Variants in CEACAM18 observed in about 807,000 individuals in gnomAD.
The protein encoded by CEACAM18 is CEA cell adhesion molecule 18.
In CEACAM18, 33 loss-of-function variants were observed where a neutral mutation model predicts 34.3. The observed-to-expected ratio is 0.96, with a 90% CI of 0.73 to 1.29. The LOEUF (loss-of-function observed/expected upper bound fraction) is 1.29, where lower values mean the gene tolerates loss of function less well. Ranked by LOEUF, CEACAM18 falls within the 50% of genes most tolerant of loss-of-function variation. The pLI is 0.00. For synonymous variants in CEACAM18, 169 were observed against 180.9 expected, an observed-to-expected ratio of 0.93 and a Z score of 0.53; for missense variants, 474 against 485.0, an observed-to-expected ratio of 0.98 and a Z score of 0.21.
exon 2 of CEACAM18, chr19:51,480,540 T>A (rs771335205): frequency 6.2e-6 from 10 of 1,613,974 alleles, no homozygotes; most frequent in Non-Finnish European, 1.7e-6. Flanking sequence ...CCTGGGCCCA[T>A]GTACACTGGC....
exon 6 of CEACAM18, chr19:51,490,673 G>T (rs752181555): frequency 1.3e-4 from 163 of 1,214,026 alleles, no homozygotes; most frequent in Admixed American, 1.3e-4. Flanking sequence ...ATGGAGAAGG[G>T]CTGGGGGTCC....
chr19:51,480,565 C>T, exon 2 of CEACAM18: 1 of 1,614,002 alleles, frequency 6.2e-7, no homozygotes, highest in Non-Finnish European at 8.5e-7. Flanking sequence ...AGAGAGTGAA[C>T]AGAGAAGGCA....
intron 3 of CEACAM18, among the ~76,000 whole-genome samples, chr19:51,482,632 C>G (rs1429281484): frequency 1.3e-5 from 2 of 152,222 alleles, no homozygotes; most frequent in Admixed American, 1.3e-4. Context: ...TCCTAATCCT[C>G]TCCTCCGAGC....
exon 6 of CEACAM18, chr19:51,490,950 C>T (rs1216226564): frequency 7.3e-6 from 2 of 272,458 alleles, no homozygotes; most frequent in East Asian, 6.4e-5. Flanking sequence ...CCCTCAGCTC[C>T]GGCGCTTCCA....
At chr19:51,484,893 C>T (rs747726810) in intron 4 of CEACAM18, 94 bp from the exon 5 acceptor site, 33 of 1,441,512 alleles carry the variant, frequency 2.3e-5, no homozygotes, top group Non-Finnish European at 2.8e-5. Context: ...GTTGACAAAT[C>T]TTTGAAGAAT....
chr19:51,478,972 G>A (rs974697587), intron 1 of CEACAM18, among the ~76,000 whole-genome samples: 22 of 150,162 alleles, frequency 1.5e-4, no homozygotes, highest in East Asian at 6.1e-4. Context: ...ACACACGCGC[G>A]CACACACAGA....
chr19:51,487,551 G>T (rs962109228), intron 5 of CEACAM18, among the ~76,000 whole-genome samples: 9 of 152,170 alleles, frequency 5.9e-5, no homozygotes, highest in African/African-American at 1.9e-4. Flanking sequence ...CGGATCATCA[G>T]GTCGGGAGTT....
At chr19:51,483,479 A>G (rs1377915347) in intron 4 of CEACAM18, 183 bp downstream of exon 4, 5 of 691,004 alleles carry the variant, frequency 7.2e-6, no homozygotes, top group Non-Finnish European at 9.8e-6. Context: ...AATCCTCTGG[A>G]GTCCTCAGAT....
chr19:51,479,150 C>T (rs1441851759), intron 1 of CEACAM18, among the ~76,000 whole-genome samples: 2 of 152,100 alleles, frequency 1.3e-5, no homozygotes, highest in East Asian at 1.9e-4. Context: ...TGCCCAGGAC[C>T]TTCTGTGCCC....
intron 4 of CEACAM18, 168 bp from the exon 5 acceptor site, chr19:51,484,819 G>T (rs1338831520): frequency 1.3e-6 from 1 of 782,750 alleles, no homozygotes; most frequent in Admixed American, 2.2e-5. Flanking sequence ...CATGGGTACA[G>T]GGAGTTTGTT....
exon 5 of CEACAM18, chr19:51,484,994 A>G (rs772591437): frequency 6.5e-7 from 1 of 1,536,112 alleles, no homozygotes; most frequent in South Asian, 1.2e-5. Flanking sequence ...CAGGGATCTT[A>G]CCTGTTGTCC....
intron 3 of CEACAM18, among the ~76,000 whole-genome samples, chr19:51,482,358 A>G (rs962329521): frequency 6.6e-6 from 1 of 152,178 alleles, no homozygotes; most frequent in Non-Finnish European, 1.5e-5. Context: ...TTCCAACTGA[A>G]AACCATAATC....
chr19:51,490,061 A>G (rs1990066051), intron 5 of CEACAM18, among the ~76,000 whole-genome samples: 1 of 152,144 alleles, frequency 6.6e-6, no homozygotes, highest in South Asian at 2.1e-4. Context: ...GGGATCTGGA[A>G]TCAGAGAAGC....
Position 51,483,310 on chromosome 19 carries a change from C to G in CEACAM18, c.953+14C>G, listed in dbSNP as rs1174213256. 1.9e-5 allele frequency: 30 copies of G among 1,613,308 alleles called. No individual in the cohort carries two copies. Among genetic ancestry groups the G allele is most frequent in the Non-Finnish European group, 2.5e-5 (29 of 1,179,870 alleles). On this transcript the variant is annotated intron_variant, in intron 4 of 5. Coordinates refer to ENST00000396477, the Ensembl canonical transcript of CEACAM18. ...GGCCCCCCATGAGTGCAGCAGCTCC[C>G]CTCCAGGCTCATGCTTTGCACATCT...
intron 5 of CEACAM18, among the ~76,000 whole-genome samples, chr19:51,486,965 G>A (rs1396041923): frequency 2.0e-5 from 3 of 150,962 alleles, no homozygotes; most frequent in Admixed American, 2.0e-4. Flanking sequence ...CTCGTGATCC[G>A]CCCGCCTCAG....
At chr19:51,482,579 C>T (rs1989934739) in intron 3 of CEACAM18, among the ~76,000 whole-genome samples, 1 of 152,216 alleles carries the variant, frequency 6.6e-6, no homozygotes, top group Non-Finnish European at 1.5e-5. Flanking sequence ...CTCCCAGGCC[C>T]TGAGACTGGC....
At position 51,483,923 on chromosome 19, in the gene CEACAM18, G is replaced by C. The variant is rs571033062; in HGVS notation, c.953+627G>C. Among the ~76,000 whole-genome samples, 25 of 152,286 alleles carry C rather than the reference G, an allele frequency of 1.6e-4. No individual in the cohort carries two copies. The East Asian group carries it at 4.8e-3, about 29-fold the overall frequency. The stretch of plus-strand genomic sequence containing the variant: ...TCCAATCTTCTGCATCAAGGAGAGA[G>C]ACTGATGTGCTCAGGGAGACTGCAG... On this transcript the variant is annotated intron_variant, in intron 4 of 5. Transcript: ENST00000396477.
At chr19:51,482,526 C>G (rs559185146) in intron 3 of CEACAM18, among the ~76,000 whole-genome samples, 4 of 152,322 alleles carry the variant, frequency 2.6e-5, no homozygotes, top group Non-Finnish European at 5.9e-5. Context: ...AGGCTTGGAA[C>G]CAAGACCCAG....
chr19:51,485,076 A>G, exon 5 of CEACAM18: 1 of 1,535,012 alleles, frequency 6.5e-7, no homozygotes, highest in Non-Finnish European at 8.7e-7. Flanking sequence ...TGGCGTTTAC[A>G]TCTGTGGAGT....
Sources: allele counts gnomAD v4.1 joint callset (sites outside exome capture counted in the v4.1 genomes callset), GRCh38; gene constraint gnomAD v4.1.1; transcripts MANE v1.5; gene names NCBI Gene and HGNC (gene_info 2026-07-23, HGNC 2026-07-21).